The following CBL variants were observed in gnomAD, a reference collection of about 807,000 sequenced individuals.
CBL encodes Cbl proto-oncogene, also known as E3 ubiquitin-protein ligase CBL.
Under a neutral mutation model 96.9 loss-of-function variants are expected in CBL, and 45 were observed. That is an observed-to-expected ratio of 0.46 (90% CI 0.37 to 0.60). CBL has a LOEUF of 0.60. Among genes scored for constraint, CBL ranks in the 20% least tolerant of loss-of-function variants. The pLI is 0.00. For missense variants in CBL, 1,024 were observed against 1,143.5 expected, an observed-to-expected ratio of 0.90 and a Z score of 1.51; for synonymous variants, 420 against 426.8, an observed-to-expected ratio of 0.98 and a Z score of 0.20.
intron 3 of CBL, among the ~76,000 whole-genome samples, chr11:119,272,975 G>C (rs996668614): frequency 7.3e-5 from 10 of 136,102 alleles, no homozygotes; most frequent in African/African-American, 2.4e-4. Context: ...AGGTTTTGTC[G>C]TTTTATTTTT....
chr11:119,229,891 C>A (rs1228658791), intron 1 of CBL, among the ~76,000 whole-genome samples: 2 of 151,726 alleles, frequency 1.3e-5, no homozygotes, highest in African/African-American at 4.8e-5. Flanking sequence ...CCATGTCCGG[C>A]TAATTTTTGA....
chr11:119,235,743 G>A (rs758255406), intron 2 of CBL, among the ~76,000 whole-genome samples: 2 of 152,290 alleles, frequency 1.3e-5, no homozygotes, highest in East Asian at 1.9e-4. Flanking sequence ...CTAATTTGCC[G>A]TTACCAAATG....
chr11:119,270,242 T>TC (rs1565869929), intron 2 of CBL, among the ~76,000 whole-genome samples: 2 of 122,576 alleles, frequency 1.6e-5, no homozygotes, highest in Non-Finnish European at 3.4e-5. Flanking sequence ...GTGTGACATC[T>TC]TTTTTTTTTT....
At position 119,294,287 on chromosome 11, in the gene CBL, G is replaced by A. The variant is rs1950048875; in HGVS notation, c.2037-2631G>A. Among the ~76,000 whole-genome samples, 3 of 152,094 alleles carry A rather than the reference G, an allele frequency of 2.0e-5. No homozygotes were observed. The South Asian group carries it at 6.2e-4, about 32-fold the overall frequency. On this transcript the variant is annotated intron_variant, in intron 12 of 15. Transcript: ENST00000264033. ...CTACTAAAAACACAAAAATTAGCTGGGTGTGGTGGCGGGTGCCTGTACTCC... is the reference window on the plus strand; with the variant it reads ...CTACTAAAAACACAAAAATTAGCTGAGTGTGGTGGCGGGTGCCTGTACTCC...
chr11:119,218,058 G>A (rs1949377220), intron 1 of CBL, among the ~76,000 whole-genome samples: 1 of 152,106 alleles, frequency 6.6e-6, no homozygotes. Context: ...GCAACAGAGT[G>A]AGACCCTGTC....
rs727502912 is a variant in CBL, at chr11:119,271,813, T to C, written c.522T>C (p.Phe174=). ...ELKGIFPSGL[F]QGDTFRITKA... Reference sequence around the variant, plus strand: ...AAGGAATCTTTCCAAGTGGACTCTTTCAGGGAGACACATTTCGGATTACTA... The same window carrying C: ...AAGGAATCTTTCCAAGTGGACTCTTCCAGGGAGACACATTTCGGATTACTA... Residue 174 remains phenylalanine, a synonymous_variant, in exon 3 of 16, where the codon TTT becomes TTC. Transcript: ENST00000264033. 5.6e-6 allele frequency: 9 copies of C among 1,613,946 alleles called. No homozygotes were observed. Among genetic ancestry groups the C allele is most frequent in the Non-Finnish European group, 6.8e-6 (8 of 1,179,960 alleles).
chr11:119,252,068 T>C (rs1018739816), intron 2 of CBL, among the ~76,000 whole-genome samples: 5 of 152,096 alleles, frequency 3.3e-5, no homozygotes, highest in Non-Finnish European at 7.3e-5. Context: ...TTATTTGTTG[T>C]GATTTGAATT....
intron 3 of CBL, among the ~76,000 whole-genome samples, chr11:119,272,432 T>A (rs956948849): frequency 6.6e-6 from 1 of 152,242 alleles, no homozygotes; most frequent in African/African-American, 2.4e-5. Context: ...ATTCTGCTCT[T>A]AATGGACATG....
intron 1 of CBL, among the ~76,000 whole-genome samples, chr11:119,211,257 A>G (rs891543266): frequency 3.1e-4 from 47 of 152,088 alleles, no homozygotes; most frequent in African/African-American, 1.0e-3. Context: ...CTGTAATCCC[A>G]GCTACTTGAG....
At chr11:119,238,826 A>G (rs970892210) in intron 2 of CBL, among the ~76,000 whole-genome samples, 4 of 152,178 alleles carry the variant, frequency 2.6e-5, no homozygotes, top group Non-Finnish European at 5.9e-5. Context: ...GCGAGAGTTC[A>G]TCTCAAGTAA....
chr11:119,231,930 T>C (rs1389875622), intron 1 of CBL, among the ~76,000 whole-genome samples: 2 of 148,010 alleles, frequency 1.4e-5, no homozygotes, highest in Non-Finnish European at 3.0e-5. Flanking sequence ...GCAACATGTC[T>C]CTAAAAAAAA....
intron 11 of CBL, among the ~76,000 whole-genome samples, chr11:119,286,412 A>C (rs1949984892): frequency 6.6e-6 from 1 of 152,250 alleles, no homozygotes; most frequent in Non-Finnish European, 1.5e-5. Flanking sequence ...TAAGTTTTAG[A>C]GAAATAAGAG....
chr11:119,285,707 G>GGGAC (rs1460272909), intron 11 of CBL, 141 bp downstream of exon 11: 1 of 922,478 alleles, frequency 1.1e-6, no homozygotes, highest in Non-Finnish European at 1.7e-6. Context: ...ACCAGCCTGG[G>GGGAC]GGACGTAGTG....
At chr11:119,245,175 T>TTG (rs1949616793) in intron 2 of CBL, among the ~76,000 whole-genome samples, 1 of 146,328 alleles carries the variant, frequency 6.8e-6, no homozygotes, top group Admixed American at 6.8e-5. Context: ...CCCGACCAGT[T>TTG]TTTTTTTTTT....
At chr11:119,252,208 T>C (rs1429507354) in intron 2 of CBL, among the ~76,000 whole-genome samples, 1 of 152,172 alleles carries the variant, frequency 6.6e-6, no homozygotes, top group Non-Finnish European at 1.5e-5. Context: ...CTACTCCATT[T>C]ACATGCAGAA....
chr11:119,226,746 C>T (rs1213665049), intron 1 of CBL, among the ~76,000 whole-genome samples: 6 of 152,204 alleles, frequency 3.9e-5, no homozygotes, highest in Non-Finnish European at 8.8e-5. Flanking sequence ...GCATGAGCCA[C>T]CACGCCCCGC....
intron 2 of CBL, among the ~76,000 whole-genome samples, chr11:119,264,919 T>C (rs535067148): frequency 6.6e-6 from 1 of 152,282 alleles, no homozygotes; most frequent in East Asian, 1.9e-4. Flanking sequence ...CTTCGTCGCC[T>C]AGGCTGGAGT....
intron 11 of CBL, among the ~76,000 whole-genome samples, chr11:119,287,191 C>T (rs1949990693): frequency 1.3e-5 from 2 of 152,142 alleles, no homozygotes; most frequent in Admixed American, 1.3e-4. Flanking sequence ...CGAAGCCTTT[C>T]GAGAGCATGA....
At chr11:119,286,569 T>G (rs1322261103) in intron 11 of CBL, among the ~76,000 whole-genome samples, 2 of 152,240 alleles carry the variant, frequency 1.3e-5, no homozygotes, top group East Asian at 3.9e-4. Flanking sequence ...GGAATGATGA[T>G]TAGGTTATTT....
Sources: allele counts gnomAD v4.1 joint callset (sites outside exome capture counted in the v4.1 genomes callset), GRCh38; gene constraint gnomAD v4.1.1; transcripts MANE v1.5; gene names NCBI Gene and HGNC (gene_info 2026-07-23, HGNC 2026-07-21).